CIT: variants seen among roughly 807,000 people sequenced by gnomAD.
CIT encodes the protein citron rho-interacting serine/threonine kinase.
A neutral mutation model predicts 272.7 loss-of-function variants in CIT; 79 were observed. The observed-to-expected ratio is 0.29, with a 90% CI of 0.24 to 0.35. The LOEUF (loss-of-function observed/expected upper bound fraction) is 0.35, where lower values mean the gene tolerates loss of function less well. CIT is among the 10% of genes least tolerant of loss of function. The pLI is 1.00. For synonymous variants in CIT, 948 were observed against 995.6 expected, an observed-to-expected ratio of 0.95 and a Z score of 0.90; for missense variants, 1,909 against 2,618.3, an observed-to-expected ratio of 0.73 and a Z score of 5.91.
chr12:119,697,871 T>C lies in CIT; in HGVS notation c.5703-33A>G. 6.2e-7 allele frequency: 1 copy of C among 1,613,498 alleles called. No homozygotes were observed. The highest frequency in any genetic ancestry group is 8.5e-7 in the Non-Finnish European group (1 of 1,179,544). ...GTCCCAGAGTTCCAGTTACCTTCAT[T>C]GCAGGCTACCTCCATTGCTAGGCAA... On this transcript the variant is annotated intron_variant, in intron 45 of 47. Coordinates refer to ENST00000392521, the MANE Select transcript of CIT (RefSeq NM_001206999.2). This position sits in a 1 kb window ranked among gnomAD's most constrained non-coding sequence, Gnocchi z 4.9.
rs1962933221 is a variant in CIT, at chr12:119,770,209, A to G, written c.2208+576T>C. On this transcript the variant is annotated intron_variant, in intron 18 of 47. Transcript: ENST00000392521. The surrounding 1 kb of genome is among the most constrained non-coding windows in gnomAD (Gnocchi z 4.4). ...GGTGATCAGAGCCTGAGACAGAATC[A>G]GGATGACTACAGACCCTAAAAAAAG... Among the ~76,000 whole-genome samples the G allele has an allele frequency of 6.6e-6, 1 of 152,214 alleles. No individual in the cohort carries two copies. Among genetic ancestry groups the G allele is most frequent in the Admixed American group, 6.5e-5 (1 of 15,280 alleles).
chr12:119,815,174 G>A (rs1447491276), intron 9 of CIT, among the ~76,000 whole-genome samples: 2 of 148,300 alleles, frequency 1.3e-5, no homozygotes, highest in African/African-American at 5.0e-5. Context: ...TCTAAAGGCA[G>A]GACACTAAAC....
At chr12:119,832,944 C>CA in intron 6 of CIT, 80 bp from the exon 7 acceptor site, 1 of 1,018,502 alleles carries the variant, frequency 9.8e-7, no homozygotes, top group Non-Finnish European at 1.5e-6. Context: ...TCAATTGAGC[C>CA]AAAAATCTTT....
At chr12:119,688,510 A>G (rs545741360) in intron 47 of CIT, among the ~76,000 whole-genome samples, 1 of 152,364 alleles carries the variant, frequency 6.6e-6, no homozygotes, top group South Asian at 2.1e-4. Flanking sequence ...ACACAGTTTC[A>G]TCGGTCAATT....
intron 29 of CIT, 53 bp from the exon 30 acceptor site, chr12:119,720,638 A>G (rs370609168): frequency 7.4e-7 from 1 of 1,347,672 alleles, no homozygotes; most frequent in Non-Finnish European, 1.0e-6. Context: ...GTATACTTTT[A>G]AAGTTGGTAC....
At chr12:119,821,004 A>C (rs947884557) in intron 9 of CIT, among the ~76,000 whole-genome samples, 1 of 151,996 alleles carries the variant, frequency 6.6e-6, no homozygotes, top group Non-Finnish European at 1.5e-5. Flanking sequence ...TTAAATTAAA[A>C]GAATTTTTTG....
At position 119,728,302 on chromosome 12, in the gene CIT, T is replaced by C. The variant is rs1565949523; in HGVS notation, c.3591+200A>G. On this transcript the variant is annotated intron_variant, in intron 28 of 47. Transcript: ENST00000392521. This position sits in a 1 kb window ranked among gnomAD's most constrained non-coding sequence, Gnocchi z 4.3. The stretch of plus-strand genomic sequence containing the variant: ...ATGACGATGTGTCAGTGCAGGCCCA[T>C]TGATTGTAACAAATGGACACTCTGG... Among the ~76,000 whole-genome samples, 1 of 152,178 alleles carries C rather than the reference T, an allele frequency of 6.6e-6. No individual in the cohort carries two copies. Among genetic ancestry groups the C allele is most frequent in the African/African-American group, 2.4e-5 (1 of 41,448 alleles).
At chr12:119,782,403 C>G (rs878935837) in intron 13 of CIT, 115 bp downstream of exon 13, 2 of 1,197,998 alleles carry the variant, frequency 1.7e-6, no homozygotes, top group Non-Finnish European at 2.4e-6. Context: ...TCCACTCTGC[C>G]CCCACCCTTT....
intron 26 of CIT, among the ~76,000 whole-genome samples, chr12:119,733,520 AC>A (rs1411106938): frequency 7.2e-6 from 1 of 138,130 alleles, no homozygotes; most frequent in Non-Finnish European, 1.5e-5. Flanking sequence ...GGTGACAGAG[AC>A]TCTGTCACAA....
intron 40 of CIT, among the ~76,000 whole-genome samples, chr12:119,707,173 A>G (rs545259632): frequency 6.6e-6 from 1 of 152,310 alleles, no homozygotes; most frequent in South Asian, 2.1e-4. Context: ...TCTCTCACAG[A>G]CACAGCAGAC....
intron 29 of CIT, 52 bp from the exon 30 acceptor site, chr12:119,720,637 T>C: frequency 7.4e-7 from 1 of 1,344,968 alleles, no homozygotes. Context: ...AGTATACTTT[T>C]AAAGTTGGTA....
At chr12:119,810,809 G>A (rs957200542) in intron 9 of CIT, among the ~76,000 whole-genome samples, 1 of 152,068 alleles carries the variant, frequency 6.6e-6, no homozygotes, top group African/African-American at 2.4e-5. Context: ...AGAAAAGGCT[G>A]CAATGGGAAG....
chr12:119,708,522 G>A (rs1039816577), intron 39 of CIT, among the ~76,000 whole-genome samples: 3 of 151,544 alleles, frequency 2.0e-5, no homozygotes, highest in Admixed American at 6.6e-5. Context: ...GTCTTGCTCT[G>A]TTGCCCACAC....
chr12:119,839,519 G>A (rs573051440), intron 5 of CIT, among the ~76,000 whole-genome samples: 4 of 152,272 alleles, frequency 2.6e-5, no homozygotes, highest in South Asian at 2.1e-4. Context: ...AAGCAGAGTG[G>A]CCTCTGAGCA....
At chr12:119,856,222 C>A (rs78331104) in intron 4 of CIT, among the ~76,000 whole-genome samples, 8 of 152,108 alleles carry the variant, frequency 5.3e-5, no homozygotes, top group Admixed American at 2.0e-4. Flanking sequence ...TAAATAATCC[C>A]CAACAGCCTC....
At chr12:119,876,579 C>T (rs957698905) in intron 1 of CIT, among the ~76,000 whole-genome samples, 1 of 152,064 alleles carries the variant, frequency 6.6e-6, no homozygotes, top group Non-Finnish European at 1.5e-5. Context: ...GGGGTAAAAA[C>T]AAAATCGAGC....
intron 10 of CIT, among the ~76,000 whole-genome samples, chr12:119,785,461 C>T (rs1300476121): frequency 6.6e-6 from 1 of 152,178 alleles, no homozygotes; most frequent in African/African-American, 2.4e-5. Flanking sequence ...TGCAGGCAAC[C>T]TCTAGAAGCT....
chr12:119,739,897 T>C (rs1958975200), intron 24 of CIT, among the ~76,000 whole-genome samples: 1 of 152,154 alleles, frequency 6.6e-6, no homozygotes, highest in East Asian at 1.9e-4. Context: ...GAGCAGTTAT[T>C]AAATAAATTA....
chr12:119,709,898 A>G (rs1033838602), intron 39 of CIT, among the ~76,000 whole-genome samples: 2 of 151,772 alleles, frequency 1.3e-5, no homozygotes, highest in Non-Finnish European at 2.9e-5. Context: ...GAGAGAGATC[A>G]CAGAGTTAAC....
Sources: gnomAD v4.1 joint callset for allele counts (sites outside exome capture counted in the v4.1 genomes callset) on GRCh38, gnomAD v4.1.1 for gene constraint, Gnocchi (gnomAD v3.1) non-coding constraint, MANE v1.5 for transcripts, NCBI Gene and HGNC (gene_info 2026-07-23, HGNC 2026-07-21) for gene names.